The following PDZD2 variants were observed in gnomAD, a reference collection of about 807,000 sequenced individuals.
The protein encoded by PDZD2 is PDZ domain-containing protein 2.
A neutral mutation model predicts 220.7 loss-of-function variants in PDZD2; 90 were observed. That is an observed-to-expected ratio of 0.41 (90% confidence interval 0.34 to 0.49). PDZD2 has a LOEUF of 0.49. Among genes scored for constraint, PDZD2 ranks in the 20% least tolerant of loss-of-function variants. The pLI, the probability that PDZD2 is intolerant of heterozygous loss-of-function variation, is 0.28. For synonymous variants in PDZD2, 1,375 were observed against 1,450.5 expected (o/e 0.95, Z 1.18); for missense variants, 3,174 against 3,608.5 (o/e 0.88, Z 3.08).
intron 15 of PDZD2, 126 bp from the exon 16 acceptor site, chr5:32,071,257 GC>G (rs1740711987): frequency 2.6e-6 from 2 of 756,310 alleles, no homozygotes; most frequent in Non-Finnish European, 2.4e-6. Context: ...TGTGCATGCA[GC>G]CCGTCATCAA....
At chr5:31,792,577 GC>G (rs1484143728) in intron 1 of PDZD2, among the ~76,000 whole-genome samples, 8 of 151,534 alleles carry the variant, frequency 5.3e-5, no homozygotes, top group Admixed American at 5.3e-4. Context: ...ATGCCACCAT[GC>G]CCAGCTAATT....
intron 2 of PDZD2, among the ~76,000 whole-genome samples, chr5:31,877,636 T>A (rs955687025): frequency 6.6e-6 from 1 of 152,122 alleles, no homozygotes; most frequent in Non-Finnish European, 1.5e-5. Flanking sequence ...AAAGGAAAAT[T>A]GCTTCACAGA....
intron 2 of PDZD2, chr5:31,847,793 C>G: frequency 1.7e-6 from 1 of 575,714 alleles, no homozygotes; most frequent in Admixed American, 1.9e-5. Context: ...CCTTGCAGTA[C>G]CAGACGATTC....
intron 2 of PDZD2, among the ~76,000 whole-genome samples, chr5:31,882,457 AGGGGAGAGGGAGGAGAG>A (rs1203336548): frequency 1.3e-5 from 2 of 152,158 alleles, no homozygotes; most frequent in Non-Finnish European, 2.9e-5. Context: ...TCCATAAAGA[AGGGGAGAGGGAGGAGAG>A]GGTGTTTTCA....
At chr5:32,016,372 T>C (rs1432899372) in intron 6 of PDZD2, among the ~76,000 whole-genome samples, 1 of 152,206 alleles carries the variant, frequency 6.6e-6, no homozygotes, top group Admixed American at 6.5e-5. Flanking sequence ...CTCTCTCTTG[T>C]TTCGGGGTTG....
intron 2 of PDZD2, among the ~76,000 whole-genome samples, chr5:31,874,487 G>A (rs1394646028): frequency 2.0e-5 from 3 of 152,124 alleles, no homozygotes; most frequent in African/African-American, 7.2e-5. Flanking sequence ...GCAGCCAGGT[G>A]TGGTGGCTCA....
intron 2 of PDZD2, among the ~76,000 whole-genome samples, chr5:31,876,946 T>C (rs1249965812): frequency 6.6e-6 from 1 of 152,200 alleles, no homozygotes; most frequent in Non-Finnish European, 1.5e-5. Flanking sequence ...GGTTCTAGCA[T>C]TTTCACATTT....
At chr5:31,686,805 A>G (rs1171766222) in intron 1 of PDZD2, among the ~76,000 whole-genome samples, 1 of 152,208 alleles carries the variant, frequency 6.6e-6, no homozygotes, top group African/African-American at 2.4e-5. Flanking sequence ...ATTTTTGCAT[A>G]TATTACAATT....
In PDZD2 at chr5:32,053,990, G is replaced by A. The variant is rs561751255; in HGVS notation, c.1900+107G>A. 106 of 675,162 alleles carry A rather than the reference G, an allele frequency of 1.6e-4. No individual in the cohort carries two copies. In the East Asian group the frequency reaches 1.9e-3, roughly 12 times the overall value. 41.8% of individuals were successfully genotyped at this position (675,162 alleles called of 1,614,324 possible). On this transcript the variant is annotated intron_variant, in intron 10 of 24. Transcript: ENST00000438447. The stretch of plus-strand genomic sequence containing the variant: ...GCCACAGTACCTAGTAGACCTCGGC[G>A]GAATCTGCCTGGCATAGTCAGTGTA...
chr5:31,696,197 G>A (rs1425590983), intron 1 of PDZD2, among the ~76,000 whole-genome samples: 1 of 152,156 alleles, frequency 6.6e-6, no homozygotes, highest in Non-Finnish European at 1.5e-5. Context: ...ACCTAGAGGG[G>A]TTCAATCAGT....
chr5:32,008,158 AAT>A (rs1262490944), intron 5 of PDZD2, among the ~76,000 whole-genome samples: 1 of 150,898 alleles, frequency 6.6e-6, no homozygotes, highest in African/African-American at 2.4e-5. Context: ...TAAATAAATA[AAT>A]AAATAAATAA....
intron 2 of PDZD2, among the ~76,000 whole-genome samples, chr5:31,872,177 C>T (rs1443640251): frequency 1.3e-5 from 1 of 74,092 alleles, no homozygotes; most frequent in Non-Finnish European, 3.2e-5. Flanking sequence ...GTGTAACCAG[C>T]CCACCTGAGG....
At chr5:31,663,789 G>A (rs1745872485) in intron 1 of PDZD2, among the ~76,000 whole-genome samples, 1 of 152,220 alleles carries the variant, frequency 6.6e-6, no homozygotes, top group Non-Finnish European at 1.5e-5. Flanking sequence ...GCTGTCGTAT[G>A]AATCACAAGA....
intron 2 of PDZD2, among the ~76,000 whole-genome samples, chr5:31,895,512 G>A (rs1219012004): frequency 2.0e-5 from 3 of 152,160 alleles, no homozygotes. Context: ...CTGTTCATAA[G>A]CTACCCAGCC....
At chr5:31,645,720 C>T (rs530090405) in intron 1 of PDZD2, among the ~76,000 whole-genome samples, 37 of 152,192 alleles carry the variant, frequency 2.4e-4, no homozygotes, top group Middle Eastern at 3.4e-3. Context: ...CACAACAGAC[C>T]CTGTTGTCCT....
At position 32,089,610 on chromosome 5, in the gene PDZD2, G is replaced by C; in HGVS notation, c.6162G>C (p.Glu2054Asp). The C allele has an allele frequency of 1.2e-6, 2 of 1,612,862 alleles. No homozygotes were observed. The highest frequency in any genetic ancestry group is 1.7e-6 in the Non-Finnish European group (2 of 1,179,916). ...GMSVAGNRQSEPRLASHVAAD... is the reference protein window; with the variant it reads ...GMSVAGNRQSDPRLASHVAAD... ...CCGTGGCAGGGAACAGACAGAGTGAGCCGCGCCTGGCCAGCCATGTGGCAG... is the reference window on the plus strand; with the variant it reads ...CCGTGGCAGGGAACAGACAGAGTGACCCGCGCCTGGCCAGCCATGTGGCAG... The change falls in exon 20 of 25, where the codon GAG becomes GAC. Residue 2054 changes from glutamate (E) to aspartate (D), a missense_variant. Glu to Asp is a conservative substitution (Grantham distance 45). Coordinates refer to ENST00000438447, the MANE Select transcript of PDZD2 (RefSeq NM_178140.4).
At chr5:31,839,811 C>T (rs887372565) in intron 2 of PDZD2, among the ~76,000 whole-genome samples, 1 of 152,198 alleles carries the variant, frequency 6.6e-6, no homozygotes, top group Non-Finnish European at 1.5e-5. Flanking sequence ...CTGCTGTTCT[C>T]ATGACAGTGA....
intron 3 of PDZD2, among the ~76,000 whole-genome samples, chr5:31,993,283 G>A (rs1425798259): frequency 2.0e-5 from 3 of 152,150 alleles, no homozygotes; most frequent in African/African-American, 7.2e-5. Flanking sequence ...AGTTACATTT[G>A]GCCAGACAGG....
chr5:31,680,161 T>C (rs1177080316), intron 1 of PDZD2, among the ~76,000 whole-genome samples: 1 of 152,158 alleles, frequency 6.6e-6, no homozygotes, highest in South Asian at 2.1e-4. Context: ...ATGGAGTAGG[T>C]GTCACCAGAA....
Sources: allele counts gnomAD v4.1 joint callset (sites outside exome capture counted in the v4.1 genomes callset), GRCh38; gene constraint gnomAD v4.1.1; transcripts MANE v1.5; gene names NCBI Gene and HGNC (gene_info 2026-07-23, HGNC 2026-07-21).